Variants in AMN observed in about 807,000 individuals in gnomAD.
AMN encodes amnion associated transmembrane protein, also known as protein amnionless.
A neutral mutation model predicts 49.1 loss-of-function variants in AMN; 40 were observed. The observed-to-expected ratio is 0.81, with a 90% CI of 0.63 to 1.06. The LOEUF is 1.06. Ranked by LOEUF, AMN falls within the 50% of genes least tolerant of loss-of-function variation. The pLI is 0.00. For synonymous variants in AMN, 380 were observed against 313.3 expected (o/e 1.21, Z -2.25); for missense variants, 701 against 662.8 (o/e 1.06, Z -0.63).
rs1891341059 is a variant in AMN at position 102,930,779 on chromosome 14, T to C, written c.*99T>C. The C allele has an allele frequency of 2.4e-5, 31 of 1,318,566 alleles. No individual in the cohort carries two copies. The South Asian group carries it at 3.7e-4, about 16-fold the overall frequency. The allele number at this position is 1,318,566 out of a possible 1,614,324, so 81.7% of individuals were successfully genotyped here. On this transcript the variant is annotated 3_prime_UTR_variant, in exon 12 of 12. Coordinates refer to ENST00000299155, the MANE Select transcript of AMN (RefSeq NM_030943.4). ...CTCGTCCAGCCCCCAAACCTCCCCT[T>C]CCTTTCCCCCTCCTCCGGGGGCCAA...
Position 102,930,734 on chromosome 14 carries a change from A to T in AMN, c.*54A>T. 1 of 1,518,144 alleles carries T rather than the reference A, an allele frequency of 6.6e-7. No homozygotes were observed. Among genetic ancestry groups the T allele is most frequent in the South Asian group, 1.2e-5 (1 of 83,470 alleles). The allele number at this position is 1,518,144 out of a possible 1,614,324, so 94.0% of individuals were successfully genotyped here. ...TCTCCACCCGCTCTGGCCCCAGTCG[A>T]ACTGGGGGCTAGCCACCTCCTCGTC... On this transcript the variant is annotated 3_prime_UTR_variant, in exon 12 of 12. Transcript: ENST00000299155.
At position 102,930,680 on chromosome 14, in the gene AMN, AG is replaced by A; in HGVS notation, c.*1del. 6 of 1,580,478 alleles carry A rather than the reference AG, an allele frequency of 3.8e-6. No individual in the cohort carries two copies. The highest frequency in any genetic ancestry group is 5.2e-6 in the Non-Finnish European group (6 of 1,164,666). On this transcript the variant is annotated 3_prime_UTR_variant, in exon 12 of 12. Coordinates refer to ENST00000299155, the MANE Select transcript of AMN (RefSeq NM_030943.4). ...TCGCCGGGGCCGAGGCCGAGGCCTG[AG>A]CGGCCGCCTGACCGTCGACCTTGGG... is the stretch of plus-strand genomic sequence containing the variant.
At chr14:102,924,355 CT>C (rs200968842) in intron 3 of AMN, among the ~76,000 whole-genome samples, 4,555 of 150,068 alleles carry the variant, frequency 0.03, 96 homozygotes, top group Middle Eastern at 0.049. Flanking sequence ...ACACCCCCCC[CT>C]CTACCCACCA....
In AMN at chr14:102,930,435, C is replaced by G. The variant is rs894558374; in HGVS notation, c.1199C>G (p.Ala400Gly). 5 of 1,523,408 alleles carry G rather than the reference C, an allele frequency of 3.3e-6. No individual in the cohort carries two copies. Among genetic ancestry groups the G allele is most frequent in the Non-Finnish European group, 4.4e-6 (5 of 1,140,670 alleles). The allele number at this position is 1,523,408 out of a possible 1,614,324, so 94.4% of individuals were successfully genotyped here. The change falls in exon 11 of 12, where the codon GCT (alanine) becomes GGT (glycine). Residue 400 changes from alanine to glycine, a missense_variant. Physicochemically the swap from Ala to Gly is moderately conservative, Grantham distance 60. Transcript: ENST00000299155. Reference protein sequence around the residue: ...RWRRHEAAAPAGAPLGFRNPV... With the variant: ...RWRRHEAAAPGGAPLGFRNPV... ...AGGAGGCACGAGGCGGCGGCCCCGG[C>G]TGGAGCGCCCCTCGGCTTCCGCAAC...
chr14:102,929,123 G>A lies in AMN; in HGVS notation c.516G>A (p.Thr172=), dbSNP rs779099559. The A allele has an allele frequency of 1.9e-6, 3 of 1,597,528 alleles. No homozygotes were observed. Among genetic ancestry groups the A allele is most frequent in the South Asian group, 1.1e-5 (1 of 91,044 alleles). ...GGTGGGGACCCGGCTGCCCGCAGAC[G>A]TTCACGCGCGACGAGGACCTGGCTG... ...RVRSISALGR[T]FTRDEDLAVF... The change falls in exon 6 of 12, where the codon ACG becomes ACA. Residue 172 remains threonine, a splice_region_variant and synonymous_variant. Coordinates refer to ENST00000299155, the MANE Select transcript of AMN (RefSeq NM_030943.4).
chr14:102,923,890 G>C (rs777014561), intron 2 of AMN, 45 bp from the exon 3 acceptor site: 4 of 1,612,986 alleles, frequency 2.5e-6, no homozygotes, highest in East Asian at 2.2e-5. Flanking sequence ...GTGTGGCCCC[G>C]GTGGGGGTTG....
rs1271623529 is a variant in AMN, at chr14:102,930,498, G to C, written c.1257+5G>C. Reference sequence around the variant, plus strand: ...GTGACGGCCTCCGAGGAGCTGGTGAGGGGGCTGGAGGGGGGACCGGGGCCT... The same window carrying C: ...GTGACGGCCTCCGAGGAGCTGGTGACGGGGCTGGAGGGGGGACCGGGGCCT... On this transcript the variant is annotated splice_donor_5th_base_variant and intron_variant, in intron 11 of 11. Transcript: ENST00000299155. 1 of 1,536,880 alleles carries C rather than the reference G, an allele frequency of 6.5e-7. No individual in the cohort carries two copies. The highest frequency in any genetic ancestry group is 2.0e-5 in the Admixed American group (1 of 50,494).
Position 102,930,158 on chromosome 14 carries a change from G to A in AMN, c.1007-7G>A. 2 of 1,491,010 alleles carry A rather than the reference G, an allele frequency of 1.3e-6. No individual in the cohort carries two copies. The highest frequency in any genetic ancestry group is 8.9e-7 in the Non-Finnish European group (1 of 1,127,098). The allele number at this position is 1,491,010 out of a possible 1,614,324, so 92.4% of individuals were successfully genotyped here. On this transcript the variant is annotated splice_region_variant and splice_polypyrimidine_tract_variant and intron_variant, in intron 9 of 11. Coordinates refer to ENST00000299155, the MANE Select transcript of AMN (RefSeq NM_030943.4). ...CGGGGAAGACTGAGCCGGCCCCTCC[G>A]TCGCAGGCGAGGCCCTCGGCGTCCT...
chr14:102,923,685 C>T (rs370615601), intron 1 of AMN, 26 bp from the exon 2 acceptor site: 44 of 1,586,424 alleles, frequency 2.8e-5, no homozygotes, highest in Non-Finnish European at 3.5e-5. Flanking sequence ...GAGAGCATCC[C>T]GGGCACTCAG....
intron 3 of AMN, among the ~76,000 whole-genome samples, chr14:102,926,240 T>C (rs1040205499): frequency 6.6e-6 from 1 of 152,228 alleles, no homozygotes; most frequent in Non-Finnish European, 1.5e-5. Context: ...ACAATGGTAA[T>C]GGACTGTGTA....
In AMN at chr14:102,924,695, A is replaced by G. The variant is rs148867699; in HGVS notation, c.207+716A>G. ...CACAACACTCCAAGAACATGATGGGAACTGGGAGGAAAGCGGGTTCCATGA... is the reference window on the plus strand; with the variant it reads ...CACAACACTCCAAGAACATGATGGGGACTGGGAGGAAAGCGGGTTCCATGA... On this transcript the variant is annotated intron_variant, in intron 3 of 11. Transcript: ENST00000299155. 7.9e-3 allele frequency among the ~76,000 whole-genome samples: 1,198 copies of G among 152,296 alleles called. 16 individuals carry two copies. Among genetic ancestry groups the G allele is most frequent in the African/African-American group, 0.025 (1,029 of 41,558 alleles).
intron 6 of AMN, 38 bp from the exon 7 acceptor site, chr14:102,929,390 C>T: frequency 1.3e-6 from 2 of 1,526,638 alleles, no homozygotes; most frequent in South Asian, 1.2e-5. Context: ...CTGCGGTCCG[C>T]TCTGGCCCTC....
In AMN at chr14:102,929,977, G is replaced by T. The variant is rs1891296719; in HGVS notation, c.897G>T (p.Arg299=). 6 of 1,564,478 alleles carry T rather than the reference G, an allele frequency of 3.8e-6. No homozygotes were observed. In the East Asian group the frequency reaches 1.2e-4, roughly 31 times the overall value. Residue 299 remains arginine, a synonymous_variant, in exon 9 of 12, where the codon CGG becomes CGT. Transcript: ENST00000299155. ...VAVSKVPRSS[R]LREADTEIQV... ...TGTCCAAGGTGCCACGCTCGTCCCG[G>T]CTCCGTGAGGCCGATACGGAGATCC...
intron 7 of AMN, 24 bp from the exon 8 acceptor site, chr14:102,929,631 C>T: frequency 1.9e-6 from 3 of 1,548,536 alleles, no homozygotes; most frequent in Non-Finnish European, 2.6e-6. Flanking sequence ...ATCCACGGCG[C>T]TGACCCCTGC....
chr14:102,929,585 G>C (rs771820682), intron 7 of AMN, 49 bp downstream of exon 7: 1 of 1,545,908 alleles, frequency 6.5e-7, no homozygotes, highest in South Asian at 1.2e-5. Context: ...TGGAGGACCA[G>C]GTTCGTCCCC....
rs1183750189 is a variant in AMN at position 102,930,800 on chromosome 14, G to A, written c.*120G>A. ...CCCTTCCTTTCCCCCTCCTCCGGGGGCCAAGGACAGGGTGGCCTTACTCAG... is the reference window on the plus strand; with the variant it reads ...CCCTTCCTTTCCCCCTCCTCCGGGGACCAAGGACAGGGTGGCCTTACTCAG... On this transcript the variant is annotated 3_prime_UTR_variant, in exon 12 of 12. Transcript: ENST00000299155. The A allele has an allele frequency of 1.7e-6, 2 of 1,165,842 alleles. No homozygotes were observed. Among genetic ancestry groups the A allele is most frequent in the African/African-American group, 1.5e-5 (1 of 65,714 alleles). 72.2% of individuals were successfully genotyped at this position (1,165,842 alleles called of 1,614,324 possible). A position where few individuals can be genotyped will look rare whatever the true frequency, so the allele number is the denominator to read the frequency against.
rs759277005 is a variant in AMN at position 102,930,703 on chromosome 14, T to C, written c.*23T>C. 1.9e-6 allele frequency: 3 copies of C among 1,560,006 alleles called. No individual in the cohort carries two copies. Among genetic ancestry groups the C allele is most frequent in the Non-Finnish European group, 2.6e-6 (3 of 1,153,718 alleles). ...TGAGCGGCCGCCTGACCGTCGACCT[T>C]GGGGCTCTCCACCCGCTCTGGCCCC... On this transcript the variant is annotated 3_prime_UTR_variant, in exon 12 of 12. Transcript: ENST00000299155.
intron 8 of AMN, 51 bp from the exon 9 acceptor site, chr14:102,929,873 G>A (rs557645687): frequency 1.4e-5 from 22 of 1,548,928 alleles, no homozygotes; most frequent in Middle Eastern, 3.4e-4. Flanking sequence ...GTCCCCATAG[G>A]CTCGGGGAGG....
rs1891309519 is a variant in AMN at position 102,930,255 on chromosome 14, C to A, written c.1097C>A (p.Ala366Glu). The A allele has an allele frequency of 5.8e-6, 8 of 1,378,806 alleles. No individual in the cohort carries two copies. The highest frequency in any genetic ancestry group is 1.7e-5 in the South Asian group (1 of 59,234). The allele number at this position is 1,378,806 out of a possible 1,614,324, so 85.4% of individuals were successfully genotyped here. Residue 366 changes from alanine (A) to glutamate (E), a missense_variant, in exon 10 of 12, where the codon GCG becomes GAG. By Grantham distance (107) the Ala-to-Glu change is moderately radical. Coordinates refer to ENST00000299155, the MANE Select transcript of AMN (RefSeq NM_030943.4). ...SSAAGLAGGV[A>E]AAVLLALLVL... ...GCGGCTGGGCTGGCGGGCGGCGTGG[C>A]GGCTGCCGTGCTGCTGGCGCTGCTG...
Sources: gnomAD v4.1 joint callset for allele counts (sites outside exome capture counted in the v4.1 genomes callset) on GRCh38, gnomAD v4.1.1 for gene constraint, MANE v1.5 for transcripts, NCBI Gene and HGNC (gene_info 2026-07-23, HGNC 2026-07-21) for gene names.